The following WDR75 variants were observed in gnomAD, a reference collection of about 807,000 sequenced individuals.
The protein encoded by WDR75 is WD repeat domain 75, also known as WD repeat-containing protein 75.
Under a neutral mutation model 106.1 loss-of-function variants are expected in WDR75, and 52 were observed. The ratio of observed to expected loss-of-function variants is 0.49; its 90% CI spans 0.39 to 0.62. The LOEUF is 0.62. Ranked by LOEUF, WDR75 falls within the 20% of genes least tolerant of loss-of-function variation. WDR75 has a pLI of 0.00. For synonymous variants in WDR75, 333 were observed against 335.5 expected, an observed-to-expected ratio of 0.99 and a Z score of 0.08; for missense variants, 905 against 970.3, an observed-to-expected ratio of 0.93 and a Z score of 0.89.
chr2:189,457,520 C>T (rs1686765565), intron 6 of WDR75, 139 bp downstream of exon 6: 1 of 606,776 alleles, frequency 1.6e-6, no homozygotes, highest in South Asian at 2.1e-5. Flanking sequence ...TATGGAGGTA[C>T]AGTTTTTAAC....
At chr2:189,467,057 A>T (rs528876032) in intron 13 of WDR75, among the ~76,000 whole-genome samples, 1 of 152,034 alleles carries the variant, frequency 6.6e-6, no homozygotes, top group South Asian at 2.1e-4. Context: ...CTCATTTAGC[A>T]GTCTCCCTTT....
At chr2:189,450,487 C>A in intron 2 of WDR75, 1 of 866,504 alleles carries the variant, frequency 1.2e-6, no homozygotes, top group Non-Finnish European at 1.4e-6. Context: ...TGTGCCACCA[C>A]GCCTGGCTAA....
rs984813984 is a variant in WDR75 at position 189,459,243 on chromosome 2, T to A, written c.690-93T>A. 48 of 892,160 alleles carry A rather than the reference T, an allele frequency of 5.4e-5. No homozygotes were observed. The South Asian group carries it at 7.7e-4, about 14-fold the overall frequency. The allele number at this position is 892,160 out of a possible 1,614,324, so 55.3% of individuals were successfully genotyped here. On this transcript the variant is annotated intron_variant, in intron 7 of 20. Transcript: ENST00000314761. ...AGCCTTTATATTATGATTTAGTATG[T>A]TTGGTATATATTATGTTTATTGTAT...
At chr2:189,450,389 C>G in intron 2 of WDR75, 1 of 970,528 alleles carries the variant, frequency 1.0e-6, no homozygotes, top group Non-Finnish European at 1.2e-6. Context: ...TGGAGAGTCT[C>G]ACTCTGTCTC....
chr2:189,462,147 T>A (rs908504112), intron 8 of WDR75, among the ~76,000 whole-genome samples: 19 of 151,708 alleles, frequency 1.3e-4, no homozygotes, highest in African/African-American at 2.7e-4. Context: ...GGCTTTTTTT[T>A]ATATATATAT....
At chr2:189,449,988 A>G in intron 2 of WDR75, 1 of 985,374 alleles carries the variant, frequency 1.0e-6, no homozygotes, top group Non-Finnish European at 1.2e-6. Context: ...TAATAAAACT[A>G]AGTACACTGG....
At chr2:189,466,874 A>C (rs1415751638) in intron 13 of WDR75, among the ~76,000 whole-genome samples, 1 of 152,168 alleles carries the variant, frequency 6.6e-6, no homozygotes, top group Non-Finnish European at 1.5e-5. Context: ...GAGGGAGGTC[A>C]AGGTCTCCAG....
chr2:189,472,657 T>C (rs1280271430), intron 18 of WDR75, among the ~76,000 whole-genome samples: 1 of 152,208 alleles, frequency 6.6e-6, no homozygotes, highest in African/African-American at 2.4e-5. Flanking sequence ...GTCTTTGGAT[T>C]TAAAAGTGGG....
rs772046334 is a variant in WDR75, at chr2:189,451,810, C to G, written c.288C>G (p.Phe96Leu). 1 of 1,613,200 alleles carries G rather than the reference C, an allele frequency of 6.2e-7. No homozygotes were observed. The highest frequency in any genetic ancestry group is 1.3e-5 in the African/African-American group (1 of 74,886). Residue 96 changes from phenylalanine (F) to leucine (L), a missense_variant, in exon 4 of 21, where the codon TTC becomes TTG. Coordinates refer to ENST00000314761, the MANE Select transcript of WDR75 (RefSeq NM_032168.3). ...DYIDGILIKT[F>L]IVGCKLHALF... is the part of the protein sequence containing the mutation. ...TGGTGCTCTTTATCTTTCAGACTTT[C>G]ATAGTTGGATGTAAACTTCATGCCC...
intron 4 of WDR75, among the ~76,000 whole-genome samples, chr2:189,454,585 A>C (rs538703379): frequency 6.6e-6 from 1 of 151,632 alleles, no homozygotes; most frequent in Admixed American, 6.6e-5. Context: ...GCAGTGGCAC[A>C]GTCTCGGCTC....
chr2:189,460,046 A>G (rs994132776), intron 8 of WDR75, among the ~76,000 whole-genome samples: 6 of 152,236 alleles, frequency 3.9e-5, no homozygotes, highest in Non-Finnish European at 8.8e-5. Context: ...GAGTAAAAAT[A>G]CCTTTAAAGT....
At position 189,463,756 on chromosome 2, in the gene WDR75, A is replaced by G; in HGVS notation, c.997+3A>G. On this transcript the variant is annotated splice_donor_region_variant and intron_variant, in intron 10 of 20. Transcript: ENST00000314761. ...AGTAATTCAAGGCCTAGTGAAAGGT[A>G]TTGCAGAACTCAGTGGATTTGGAAT... 1 of 1,613,848 alleles carries G rather than the reference A, an allele frequency of 6.2e-7. No homozygotes were observed. The highest frequency in any genetic ancestry group is 8.5e-7 in the Non-Finnish European group (1 of 1,179,786).
chr2:189,457,313 A>G lies in WDR75; in HGVS notation c.501A>G (p.Gly167=). Residue 167 remains glycine, a splice_region_variant and synonymous_variant, in exon 6 of 21, where the codon GGA becomes GGG. Coordinates refer to ENST00000314761, the MANE Select transcript of WDR75 (RefSeq NM_032168.3). ...TTATCTTCTTTTTGAAATACTAGGG[A>G]GTATATGTTGCTGCAGTACGGGAAT... ...SPKCIAFGNE[G]VYVAAVREFY... The G allele has an allele frequency of 6.3e-7, 1 of 1,589,536 alleles. No individual in the cohort carries two copies. Among genetic ancestry groups the G allele is most frequent in the Non-Finnish European group, 8.6e-7 (1 of 1,160,710 alleles).
intron 4 of WDR75, among the ~76,000 whole-genome samples, chr2:189,453,481 A>G (rs1686667989): frequency 1.3e-5 from 2 of 152,210 alleles, no homozygotes; most frequent in African/African-American, 2.4e-5. Context: ...TAAGAATCAC[A>G]TGAAGAACTT....
chr2:189,458,256 A>T (rs1468883687), intron 6 of WDR75, among the ~76,000 whole-genome samples: 2 of 152,112 alleles, frequency 1.3e-5, no homozygotes, highest in Non-Finnish European at 2.9e-5. Context: ...ATTGATCCTG[A>T]CTTCTTCAGA....
rs1276759910 is a variant in WDR75 at position 189,474,227 on chromosome 2, C to T, written c.2091C>T (p.Phe697=). 3.1e-6 allele frequency: 5 copies of T among 1,613,580 alleles called. No individual in the cohort carries two copies. Among genetic ancestry groups the T allele is most frequent in the Non-Finnish European group, 3.4e-6 (4 of 1,179,710 alleles). ...EESLPTTPFY[F]ILGKHRQQQD... ...GTCTTCCCACAACCCCATTTTATTT[C>T]ATATTGGGAAAACACAGGCAACAGC... Residue 697 remains phenylalanine, a synonymous_variant, in exon 19 of 21, where the codon TTC becomes TTT. Transcript: ENST00000314761.
chr2:189,471,593 TTC>T (rs1428346049), intron 18 of WDR75, among the ~76,000 whole-genome samples: 9 of 152,226 alleles, frequency 5.9e-5, no homozygotes, highest in Non-Finnish European at 1.3e-4. Flanking sequence ...TGTGTAAGTA[TTC>T]TCTCAGTGTT....
chr2:189,443,316 G>C (rs1686426635), intron 1 of WDR75, among the ~76,000 whole-genome samples: 1 of 152,184 alleles, frequency 6.6e-6, no homozygotes, highest in South Asian at 2.1e-4. Flanking sequence ...AGGTGGGGAG[G>C]ACAGTGTAAG....
intron 15 of WDR75, 67 bp downstream of exon 15, chr2:189,468,636 T>C: frequency 6.6e-7 from 1 of 1,508,594 alleles, no homozygotes; most frequent in South Asian, 1.1e-5. Context: ...AACTTTGGCA[T>C]TTTAGGACTT....
Sources: gnomAD v4.1 joint callset for allele counts (sites outside exome capture counted in the v4.1 genomes callset) on GRCh38, gnomAD v4.1.1 for gene constraint, MANE v1.5 for transcripts, NCBI Gene and HGNC (gene_info 2026-07-23, HGNC 2026-07-21) for gene names.